C4orf50: variants seen among roughly 807,000 people sequenced by gnomAD.
C4orf50 encodes uncharacterized protein C4orf50.
A neutral mutation model predicts 77.2 loss-of-function variants in C4orf50; 80 were observed. That is an observed-to-expected ratio of 1.04 (90% CI 0.87 to 1.25). The LOEUF is 1.25. Ranked by LOEUF, C4orf50 falls within the 50% of genes most tolerant of loss-of-function variation. The pLI, the probability that C4orf50 is intolerant of heterozygous loss-of-function variation, is 0.00. For synonymous variants in C4orf50, 532 were observed against 465.3 expected (o/e 1.14, Z -1.84); for missense variants, 1,257 against 1,152.9 (o/e 1.09, Z -1.31).
At chr4:5,989,767 A>T (rs1361827413) in exon 28 of C4orf50, 1 of 1,529,722 alleles carries the variant, frequency 6.5e-7, no homozygotes, top group Admixed American at 2.0e-5. Context: ...TGCAAAGAAA[A>T]GCATTTCCTT....
At chr4:5,929,217 A>G (rs1238920300) in intron 7 of C4orf50, among the ~76,000 whole-genome samples, 1 of 152,214 alleles carries the variant, frequency 6.6e-6, no homozygotes, top group African/African-American at 2.4e-5. Context: ...TCTGTGTCTC[A>G]GTGACCAACC....
chr4:5,926,549 C>T (rs1029722074), intron 7 of C4orf50, among the ~76,000 whole-genome samples: 11 of 152,090 alleles, frequency 7.2e-5, no homozygotes, highest in African/African-American at 2.7e-4. Context: ...ATTGTGAAGG[C>T]ACTAAAAGCC....
chr4:5,997,414 A>G (rs559333815), intron 25 of C4orf50, among the ~76,000 whole-genome samples: 2 of 152,296 alleles, frequency 1.3e-5, no homozygotes, highest in African/African-American at 2.4e-5. Context: ...AACATTGCCC[A>G]TTGTCTAGTT....
At chr4:5,923,113 A>G (rs1030352170) in intron 7 of C4orf50, among the ~76,000 whole-genome samples, 3 of 152,194 alleles carry the variant, frequency 2.0e-5, no homozygotes, top group African/African-American at 7.2e-5. Flanking sequence ...CCAGGAGGGA[A>G]AGGGACCTGA....
intron 7 of C4orf50, among the ~76,000 whole-genome samples, chr4:5,914,562 T>C (rs973735063): frequency 2.0e-5 from 3 of 152,194 alleles, no homozygotes; most frequent in Non-Finnish European, 2.9e-5. Context: ...TTTTCTGTAA[T>C]AAGCATACAT....
At position 6,017,443 on chromosome 4, in the gene C4orf50, G is replaced by C. The variant is rs115869668; in HGVS notation, c.287+702C>G. On this transcript the variant is annotated intron_variant, in intron 23 of 33. Transcript: ENST00000531445. The surrounding 1 kb of genome is among the most constrained non-coding windows in gnomAD (Gnocchi z 4.7). ...TATTTTAAACGCTAATCCAGCAGGT[G>C]ACTCTTGACTAACCCTGAGTCCACG... Among the ~76,000 whole-genome samples, 672 of 152,346 alleles carry C rather than the reference G, an allele frequency of 4.4e-3. 2 individuals carry two copies. Among genetic ancestry groups the C allele is most frequent in the African/African-American group, 0.015 (641 of 41,578 alleles).
At chr4:5,993,161 A>C (rs1721389289) in intron 26 of C4orf50, among the ~76,000 whole-genome samples, 1 of 152,068 alleles carries the variant, frequency 6.6e-6, no homozygotes, top group African/African-American at 2.4e-5. Context: ...CCAGGGCTCC[A>C]TGCCACCTCT....
chr4:5,987,302 T>C (rs113033029), intron 28 of C4orf50, among the ~76,000 whole-genome samples: 5,338 of 148,084 alleles, frequency 0.036, 241 homozygotes, highest in African/African-American at 0.11. Flanking sequence ...CCCCAGCTAC[T>C]TGGGAGGCTG....
chr4:5,961,964 C>G lies in C4orf50; in HGVS notation c.4276-2338G>C, dbSNP rs183267899. Reference sequence around the variant, plus strand: ...CATTATTTAACAAGTTTGTTTTCAGCATGGGAAGCTCTTCCCCAAAACCAG... The same window carrying G: ...CATTATTTAACAAGTTTGTTTTCAGGATGGGAAGCTCTTCCCCAAAACCAG... On this transcript the variant is annotated intron_variant, in intron 33 of 33. Coordinates refer to ENST00000531445, the Ensembl canonical transcript of C4orf50. Among the ~76,000 whole-genome samples, 285 of 152,324 alleles carry G rather than the reference C, an allele frequency of 1.9e-3. 1 individual carries two copies. The highest frequency in any genetic ancestry group is 0.017 in the South Asian group (83 of 4,826).
chr4:5,988,238 G>T, intron 28 of C4orf50, 109 bp downstream of exon 6: 1 of 1,399,790 alleles, frequency 7.1e-7, no homozygotes. Context: ...AAGTGGGGAG[G>T]ATGATTGTAC....
chr4:5,930,494 GA>G (rs756310056), intron 7 of C4orf50, among the ~76,000 whole-genome samples: 9 of 152,280 alleles, frequency 5.9e-5, no homozygotes, highest in Admixed American at 1.3e-4. Context: ...AAAGTTGCTA[GA>G]AGAATCAAAG....
At chr4:5,990,571 A>G (rs73212641) in exon 28 of C4orf50, 79,083 of 398,722 alleles carry the variant, frequency 0.2, 8,866 homozygotes, top group African/African-American at 0.3. Context: ...CTCTTCTTGG[A>G]TTTTTTGTCC....
intron 7 of C4orf50, among the ~76,000 whole-genome samples, chr4:5,923,496 T>A (rs867711533): frequency 2.0e-5 from 3 of 151,870 alleles, no homozygotes; most frequent in African/African-American, 7.3e-5. Flanking sequence ...AGTGCCTGCC[T>A]GGACCCCACC....
In C4orf50 at chr4:5,900,758, G is replaced by C. The variant is rs188519319; in HGVS notation, c.*2475-2570C>G. The C allele has an allele frequency of 3.3e-5, 5 of 152,274 alleles. No homozygotes were observed. Among genetic ancestry groups the C allele is most frequent in the African/African-American group, 1.2e-4 (5 of 41,562 alleles). 9.4% of individuals were successfully genotyped at this position (152,274 alleles called of 1,614,324 possible). On this transcript the variant is annotated intron_variant, in intron 7 of 7. Transcript: ENST00000324058. This position sits in a 1 kb window ranked among gnomAD's most constrained non-coding sequence, Gnocchi z 4.3. ...ACCTCATCTGGGAATCAGTTTCCTC[G>C]CCTGTAAAATGGGGAGGAGAAGGAT...
At chr4:5,925,351 G>C (rs1306846333) in intron 7 of C4orf50, among the ~76,000 whole-genome samples, 1 of 152,198 alleles carries the variant, frequency 6.6e-6, no homozygotes, top group Admixed American at 6.5e-5. Context: ...CTTCGCAAAG[G>C]ACCATTCCAG....
At chr4:5,935,991 G>A (rs552668731) in intron 7 of C4orf50, among the ~76,000 whole-genome samples, 1 of 152,020 alleles carries the variant, frequency 6.6e-6, no homozygotes, top group South Asian at 2.1e-4. Flanking sequence ...CTTGGATACG[G>A]CACTTATGAT....
In C4orf50 at chr4:5,959,453, C is replaced by T. The variant is rs775864496; in HGVS notation, c.4449G>A (p.Leu1483=). The change falls in exon 34 of 34, where the codon CTG becomes CTA. Residue 1483 remains leucine (L), a synonymous_variant. Transcript: ENST00000531445. ...TTTGTCTAAGCTCTTGGTGAAAAGC[C>T]AGGATCCTTGCTGGGCTCAGGAGCT... 3 of 1,614,198 alleles carry T rather than the reference C, an allele frequency of 1.9e-6. No individual in the cohort carries two copies. The South Asian group carries it at 3.3e-5, about 18-fold the overall frequency.
intron 25 of C4orf50, among the ~76,000 whole-genome samples, chr4:6,006,590 G>A (rs1466190154): frequency 6.6e-6 from 1 of 152,192 alleles, no homozygotes. Context: ...TAATGTCTTT[G>A]CAAACACCCA....
intron 7 of C4orf50, among the ~76,000 whole-genome samples, chr4:5,913,693 AT>A (rs1166733281): frequency 6.6e-6 from 1 of 152,130 alleles, no homozygotes; most frequent in African/African-American, 2.4e-5. Flanking sequence ...TATTGATCCT[AT>A]TTAGAAATAA....
Sources: allele counts gnomAD v4.1 joint callset (sites outside exome capture counted in the v4.1 genomes callset), GRCh38; gene constraint gnomAD v4.1.1; non-coding constraint Gnocchi (gnomAD v3.1); transcripts MANE v1.5; gene names NCBI Gene and HGNC (gene_info 2026-07-23, HGNC 2026-07-21).